LTBP1: variants seen among roughly 807,000 people sequenced by gnomAD.
LTBP1 encodes latent-transforming growth factor beta-binding protein 1.
In LTBP1, 129 loss-of-function variants were observed where a neutral mutation model predicts 207.6. The ratio of observed to expected loss-of-function variants is 0.62; its 90% CI spans 0.54 to 0.72. The LOEUF is 0.72. Among genes scored for constraint, LTBP1 ranks in the 30% least tolerant of loss-of-function variants. The pLI, the probability that LTBP1 is intolerant of heterozygous loss-of-function variation, is 0.00. For missense variants in LTBP1, 2,281 were observed against 2,217.2 expected (o/e 1.03, Z -0.58); for synonymous variants, 963 against 833.7 (o/e 1.16, Z -2.67).
chr2:32,971,951 C>G (rs1680942448), intron 2 of LTBP1, among the ~76,000 whole-genome samples: 1 of 151,992 alleles, frequency 6.6e-6, no homozygotes, highest in African/African-American at 2.4e-5. Flanking sequence ...GGTTGCTAGT[C>G]TTTTTATTAC....
At chr2:33,170,649 GA>G (rs2085347968) in intron 5 of LTBP1, among the ~76,000 whole-genome samples, 1 of 152,206 alleles carries the variant, frequency 6.6e-6, no homozygotes, top group South Asian at 2.1e-4. Flanking sequence ...CAGCTTTGAA[GA>G]GAGCAGTGGT....
At chr2:33,353,486 G>T (rs545796696) in intron 26 of LTBP1, among the ~76,000 whole-genome samples, 1 of 152,152 alleles carries the variant, frequency 6.6e-6, no homozygotes, top group Non-Finnish European at 1.5e-5. Flanking sequence ...TGAGCACGGC[G>T]CCTGATGGAT....
At chr2:33,318,032 A>G (rs1197803880) in intron 24 of LTBP1, 1 of 152,242 alleles carries the variant, frequency 6.6e-6, no homozygotes, top group Non-Finnish European at 1.5e-5. Context: ...TTATGAGTGC[A>G]GATGTGATGC....
rs541855389 is a variant in LTBP1 at position 33,235,304 on chromosome 2, C to G, written c.1877-8358C>G. Among the ~76,000 whole-genome samples the G allele has an allele frequency of 8.5e-5, 13 of 152,318 alleles. No individual in the cohort carries two copies. The East Asian group carries it at 2.5e-3, about 29-fold the overall frequency. ...CAGCCAACAAACATGAAAAAAAGCT[C>G]ATCATCACTGGTCATTAGAGAAATG... On this transcript the variant is annotated intron_variant, in intron 9 of 33. Coordinates refer to ENST00000404816, the MANE Select transcript of LTBP1 (RefSeq NM_206943.4).
At chr2:33,321,628 T>A (rs888495379) in intron 24 of LTBP1, among the ~76,000 whole-genome samples, 11 of 152,192 alleles carry the variant, frequency 7.2e-5, no homozygotes, top group African/African-American at 2.4e-4. Context: ...GAACTTTATA[T>A]CTGTCACCAA....
At chr2:33,245,260 T>G (rs1036905548) in intron 10 of LTBP1, among the ~76,000 whole-genome samples, 2 of 152,248 alleles carry the variant, frequency 1.3e-5, no homozygotes, top group Non-Finnish European at 2.9e-5. Context: ...GCCATTTGGT[T>G]GACATGTTCT....
chr2:33,339,596 T>C (rs934012831), intron 24 of LTBP1, among the ~76,000 whole-genome samples: 1 of 152,144 alleles, frequency 6.6e-6, no homozygotes, highest in African/African-American at 2.4e-5. Context: ...TTTTTGTGTT[T>C]ACTGTTGTAA....
chr2:33,327,043 A>G (rs1352894496), intron 24 of LTBP1, among the ~76,000 whole-genome samples: 1 of 152,166 alleles, frequency 6.6e-6, no homozygotes, highest in African/African-American at 2.4e-5. Context: ...ACTCCTCTGT[A>G]AAAAACCATT....
At chr2:33,041,763 C>T (rs1008647280) in intron 3 of LTBP1, among the ~76,000 whole-genome samples, 1 of 152,242 alleles carries the variant, frequency 6.6e-6, no homozygotes, top group African/African-American at 2.4e-5. Flanking sequence ...CCACAGTTTA[C>T]TGGAAGTCTC....
chr2:33,294,154 C>T (rs942085045), intron 20 of LTBP1, among the ~76,000 whole-genome samples: 26 of 150,796 alleles, frequency 1.7e-4, no homozygotes, highest in South Asian at 2.1e-4. Flanking sequence ...TACAGGCACA[C>T]GCCACCACGC....
intron 31 of LTBP1, among the ~76,000 whole-genome samples, chr2:33,387,775 G>A (rs2015189): frequency 0.39 from 58,270 of 151,008 alleles, 13,282 homozygotes; most frequent in African/African-American, 0.64. Flanking sequence ...AACACAATAG[G>A]GGAAAATTCC....
chr2:33,222,491 T>C lies in LTBP1; in HGVS notation c.1876+340T>C, dbSNP rs143394435. ...ACACATGTGCTTGCAGGCACCCACATGTACTTAGCAGTTCTACTTCATTGC... is the reference window on the plus strand; with the variant it reads ...ACACATGTGCTTGCAGGCACCCACACGTACTTAGCAGTTCTACTTCATTGC... On this transcript the variant is annotated intron_variant, in intron 9 of 33. Coordinates refer to ENST00000404816, the MANE Select transcript of LTBP1 (RefSeq NM_206943.4). 3.2e-3 allele frequency among the ~76,000 whole-genome samples: 489 copies of C among 152,312 alleles called. 5 individuals are homozygous for C. The highest frequency in any genetic ancestry group is 0.011 in the African/African-American group (471 of 41,574).
Position 33,288,442 on chromosome 2 carries a change from C to T in LTBP1, c.3113-4718C>T, listed in dbSNP as rs140400205. Among the ~76,000 whole-genome samples, 4 of 152,222 alleles carry T rather than the reference C, an allele frequency of 2.6e-5. No homozygotes were observed. The East Asian group carries it at 5.8e-4, about 22-fold the overall frequency. ...CCAGATGAATTACACCCCAAGGCAACGAGACAATGAGCCAGGTGGGATTAC... is the reference window on the plus strand; with the variant it reads ...CCAGATGAATTACACCCCAAGGCAATGAGACAATGAGCCAGGTGGGATTAC... On this transcript the variant is annotated intron_variant, in intron 19 of 33. Coordinates refer to ENST00000404816, the MANE Select transcript of LTBP1 (RefSeq NM_206943.4).
intron 15 of LTBP1, among the ~76,000 whole-genome samples, chr2:33,265,025 A>G (rs997698167): frequency 3.9e-5 from 6 of 152,152 alleles, no homozygotes; most frequent in Non-Finnish European, 5.9e-5. Flanking sequence ...GAGAAGATGG[A>G]TGTCTCAGCT....
At chr2:33,316,884 G>C (rs1402495477) in intron 24 of LTBP1, among the ~76,000 whole-genome samples, 1 of 152,136 alleles carries the variant, frequency 6.6e-6, no homozygotes, top group African/African-American at 2.4e-5. Context: ...TCTTTGCTTA[G>C]CTCTAAATCA....
At position 33,397,159 on chromosome 2, in the gene LTBP1, C is replaced by T; in HGVS notation, c.4861C>T (p.Gln1621Ter). The change falls in exon 33 of 34, where the codon CAG becomes TAG. Residue 1621 changes from glutamine to a stop codon, truncating the protein, a stop_gained. Transcript: ENST00000404816. LOFTEE classifies it high-confidence loss of function. ...DRFLNSFEEL[Q>*]AEECGILNGC... ...TTTTCTAAATAGCTTTGAGGAGTTA[C>T]AGGCTGAGGAATGCGGCATCCTCAA... 6.2e-7 allele frequency: 1 copy of T among 1,614,032 alleles called. No homozygotes were observed. Among genetic ancestry groups the T allele is most frequent in the Non-Finnish European group, 8.5e-7 (1 of 1,179,968 alleles).
intron 2 of LTBP1, among the ~76,000 whole-genome samples, chr2:32,979,503 A>G (rs1050501312): frequency 2.0e-5 from 3 of 152,140 alleles, no homozygotes; most frequent in African/African-American, 7.2e-5. Flanking sequence ...ATAGTTTCCA[A>G]AATTCCTTTT....
Position 32,947,885 on chromosome 2 carries a change from G to A in LTBP1, c.494+67G>A, listed in dbSNP as rs373466104. On this transcript the variant is annotated intron_variant, in intron 1 of 33. Transcript: ENST00000404816. The stretch of plus-strand genomic sequence containing the variant: ...GCACCGCCCGCGGAGGGACCTGCGG[G>A]GTCAGGGCCACTCGGAGCCCCGCGG... The A allele has an allele frequency of 2.2e-5, 27 of 1,242,782 alleles. No individual in the cohort carries two copies. In the African/African-American group the frequency reaches 2.5e-4, roughly 12 times the overall value. 77.0% of individuals were successfully genotyped at this position (1,242,782 alleles called of 1,614,324 possible). A position where few individuals can be genotyped will look rare whatever the true frequency, so the allele number is the denominator to read the frequency against.
In LTBP1 at chr2:33,020,991, A is replaced by G. The variant is rs749146575; in HGVS notation, c.648A>G (p.Lys216=). Residue 216 remains lysine, a synonymous_variant, in exon 3 of 34, where the codon AAA becomes AAG. Transcript: ENST00000404816. ...LCVCKPGTKG[K]ACETIAAQDT... ...TGTGTAAACCAGGGACCAAGGGCAA[A>G]GCCTGTGAAACAATAGCTGCCCAGG... is the stretch of plus-strand genomic sequence containing the variant. 1.9e-6 allele frequency: 3 copies of G among 1,613,644 alleles called. No individual in the cohort carries two copies. In the South Asian group the frequency reaches 3.3e-5, roughly 18 times the overall value.
Sources: gnomAD v4.1 joint callset for allele counts (sites outside exome capture counted in the v4.1 genomes callset) on GRCh38, gnomAD v4.1.1 for gene constraint, MANE v1.5 for transcripts, NCBI Gene and HGNC (gene_info 2026-07-23, HGNC 2026-07-21) for gene names.